TFDP2: variants seen among roughly 807,000 people sequenced by gnomAD.
TFDP2 encodes the protein transcription factor Dp-2.
A neutral mutation model predicts 59.3 loss-of-function variants in TFDP2; 17 were observed. The ratio of observed to expected loss-of-function variants is 0.29; its 90% CI spans 0.20 to 0.43. The LOEUF is 0.43. Ranked by LOEUF, TFDP2 falls within the 20% of genes least tolerant of loss-of-function variation. The pLI, the probability that TFDP2 is intolerant of heterozygous loss-of-function variation, is 1.00. For missense variants in TFDP2, 391 were observed against 528.8 expected, an observed-to-expected ratio of 0.74 and a Z score of 2.56; for synonymous variants, 180 against 194.7, an observed-to-expected ratio of 0.92 and a Z score of 0.63.
rs557891354 is a variant in TFDP2 at position 141,975,246 on chromosome 3, A to G, written c.520-1055T>C. On this transcript the variant is annotated intron_variant, in intron 7 of 12. Coordinates refer to ENST00000489671, the MANE Select transcript of TFDP2 (RefSeq NM_001178139.2). ...TATTTTTTGATAGTAAGACTTAATCAAGGAAACCATGTTGGTTTACATTGT... is the reference window on the plus strand; with the variant it reads ...TATTTTTTGATAGTAAGACTTAATCGAGGAAACCATGTTGGTTTACATTGT... Among the ~76,000 whole-genome samples the G allele has an allele frequency of 5.3e-5, 8 of 152,104 alleles. No individual in the cohort carries two copies. The South Asian group carries it at 1.2e-3, about 24-fold the overall frequency.
intron 1 of TFDP2, among the ~76,000 whole-genome samples, chr3:142,119,106 A>G (rs1416747811): frequency 6.6e-6 from 1 of 152,172 alleles, no homozygotes; most frequent in Admixed American, 6.5e-5. Flanking sequence ...GGTTGCAGTG[A>G]GCCAAGATTG....
intron 3 of TFDP2, among the ~76,000 whole-genome samples, chr3:142,089,431 C>T (rs1458644089): frequency 1.3e-5 from 2 of 152,108 alleles, no homozygotes; most frequent in East Asian, 3.9e-4. Flanking sequence ...AACCTAACTT[C>T]AGGACCTAAC....
At chr3:141,995,289 G>C (rs1943164176) in intron 4 of TFDP2, 148 bp from the exon 5 acceptor site, 11 of 516,758 alleles carry the variant, frequency 2.1e-5, no homozygotes, top group Non-Finnish European at 3.2e-5. Flanking sequence ...TATAAGCAAT[G>C]CCTTTGATTT....
intron 3 of TFDP2, among the ~76,000 whole-genome samples, chr3:142,061,821 G>GGA: frequency 6.7e-6 from 1 of 149,604 alleles, no homozygotes; most frequent in Non-Finnish European, 1.5e-5. Flanking sequence ...GCAGGTCACA[G>GGA]GATTTCTTGA....
At position 142,010,879 on chromosome 3, in the gene TFDP2, A is replaced by C. The variant is rs1944615907; in HGVS notation, c.83-5335T>G. Among the ~76,000 whole-genome samples the C allele has an allele frequency of 3.0e-5, 4 of 132,254 alleles. No homozygotes were observed. In the South Asian group the frequency reaches 1.0e-3, roughly 35 times the overall value. 86.8% of individuals were successfully genotyped at this position (132,254 alleles called of 152,430 possible). A position where few individuals can be genotyped will look rare whatever the true frequency, so the allele number is the denominator to read the frequency against. ...GGCCATCAGAGAAATGCAAATCAAA[A>C]CCACTATGAGATACCATCTCACACC... On this transcript the variant is annotated intron_variant, in intron 3 of 12. Transcript: ENST00000489671.
At chr3:142,010,886 T>C (rs1229315930) in intron 3 of TFDP2, among the ~76,000 whole-genome samples, 11 of 131,174 alleles carry the variant, frequency 8.4e-5, no homozygotes, top group African/African-American at 2.8e-4. Flanking sequence ...AAAACCACTA[T>C]GAGATACCAT....
At chr3:142,148,541 G>C (rs1209559773) in intron 1 of TFDP2, among the ~76,000 whole-genome samples, 1 of 151,638 alleles carries the variant, frequency 6.6e-6, no homozygotes, top group Non-Finnish European at 1.5e-5. Context: ...TACAGATGAA[G>C]AAACCGAGAT....
intron 1 of TFDP2, among the ~76,000 whole-genome samples, chr3:142,144,619 G>A (rs2063096859): frequency 6.6e-6 from 1 of 152,084 alleles, no homozygotes; most frequent in African/African-American, 2.4e-5. Flanking sequence ...ACAGCTCAAT[G>A]CAGCCTTGAC....
chr3:142,106,209 A>G (rs1224175239), intron 1 of TFDP2, among the ~76,000 whole-genome samples: 1 of 152,204 alleles, frequency 6.6e-6, no homozygotes, highest in East Asian at 1.9e-4. Flanking sequence ...CACTATGTGC[A>G]TGGCACTATC....
intron 1 of TFDP2, among the ~76,000 whole-genome samples, chr3:142,102,638 C>G (rs1382911517): frequency 6.6e-6 from 1 of 152,064 alleles, no homozygotes; most frequent in Non-Finnish European, 1.5e-5. Context: ...CTACAAAATA[C>G]CTACTAATTC....
At chr3:142,004,969 C>A (rs1324927880) in intron 4 of TFDP2, among the ~76,000 whole-genome samples, 2 of 152,192 alleles carry the variant, frequency 1.3e-5, no homozygotes, top group Non-Finnish European at 2.9e-5. Context: ...GTTTCTCAAG[C>A]TCAAAACTTG....
chr3:142,025,765 T>C (rs965873699), intron 3 of TFDP2, among the ~76,000 whole-genome samples: 1 of 152,238 alleles, frequency 6.6e-6, no homozygotes, highest in African/African-American at 2.4e-5. Flanking sequence ...TGTACATAGA[T>C]AAGTTTTAGA....
chr3:142,119,033 C>T (rs1020931045), intron 1 of TFDP2, among the ~76,000 whole-genome samples: 7 of 151,928 alleles, frequency 4.6e-5, no homozygotes, highest in African/African-American at 1.4e-4. Context: ...TAGTGGCAGG[C>T]GCCTGTAATC....
intron 6 of TFDP2, among the ~76,000 whole-genome samples, chr3:141,981,807 G>C (rs1354884936): frequency 2.0e-5 from 3 of 152,112 alleles, no homozygotes; most frequent in Non-Finnish European, 4.4e-5. Flanking sequence ...CAATAGTCCA[G>C]GTAAGAGAAT....
intron 3 of TFDP2, among the ~76,000 whole-genome samples, chr3:142,030,871 T>C (rs1170550552): frequency 6.7e-6 from 1 of 150,008 alleles, no homozygotes; most frequent in Non-Finnish European, 1.5e-5. Context: ...GCCTCCCAAG[T>C]AGCTGGGACT....
At chr3:141,972,297 C>A (rs1302183674) in intron 8 of TFDP2, among the ~76,000 whole-genome samples, 2 of 152,186 alleles carry the variant, frequency 1.3e-5, no homozygotes, top group Non-Finnish European at 2.9e-5. Flanking sequence ...CTCATGGCCG[C>A]TGCCGTAACT....
At chr3:141,964,738 C>T (rs1937688509) in intron 9 of TFDP2, among the ~76,000 whole-genome samples, 1 of 152,120 alleles carries the variant, frequency 6.6e-6, no homozygotes, top group African/African-American at 2.4e-5. Context: ...CTAAGCTCTG[C>T]CATCTCTGCC....
intron 1 of TFDP2, among the ~76,000 whole-genome samples, chr3:142,119,502 AAC>A (rs2061963114): frequency 6.6e-6 from 1 of 152,224 alleles, no homozygotes; most frequent in African/African-American, 2.4e-5. Flanking sequence ...GCCATCAAAA[AAC>A]AGTTTGACTG....
chr3:141,993,719 T>C (rs1345377713), intron 5 of TFDP2, 134 bp from the exon 6 acceptor site: 4 of 470,394 alleles, frequency 8.5e-6, no homozygotes, highest in South Asian at 4.3e-5. Flanking sequence ...ATACAAAAGA[T>C]AGGTACATAA....
Sources: allele counts gnomAD v4.1 joint callset (sites outside exome capture counted in the v4.1 genomes callset), GRCh38; gene constraint gnomAD v4.1.1; transcripts MANE v1.5; gene names NCBI Gene and HGNC (gene_info 2026-07-23, HGNC 2026-07-21).